The following DLGAP2 variants were observed in gnomAD, a reference collection of about 807,000 sequenced individuals.
DLGAP2 encodes the protein DLG associated protein 2.
DLGAP2 carries 26 observed loss-of-function variants against 100.3 expected under a neutral mutation model. The observed-to-expected ratio is 0.26, with a 90% CI of 0.19 to 0.36. The LOEUF (loss-of-function observed/expected upper bound fraction) is 0.36, where lower values mean the gene tolerates loss of function less well. DLGAP2 is among the 10% of genes least tolerant of loss of function. The pLI is 1.00. For synonymous variants in DLGAP2, 886 were observed against 630.1 expected (o/e 1.41, Z -6.08); for missense variants, 1,858 against 1,453.2 (o/e 1.28, Z -4.53).
At chr8:1,237,449 G>T (rs1798687067) in intron 2 of DLGAP2, among the ~76,000 whole-genome samples, 2 of 144,834 alleles carry the variant, frequency 1.4e-5, no homozygotes, top group African/African-American at 5.2e-5. Flanking sequence ...ATGGCGCCGT[G>T]TCTAGTTACC....
intron 2 of DLGAP2, among the ~76,000 whole-genome samples, chr8:1,046,639 A>C (rs946318288): frequency 1.3e-5 from 2 of 152,182 alleles, no homozygotes; most frequent in African/African-American, 2.4e-5. Context: ...GTACACGTTG[A>C]AAAGGGGGAT....
chr8:791,689 A>T (rs953295006), intron 1 of DLGAP2, among the ~76,000 whole-genome samples: 3 of 152,238 alleles, frequency 2.0e-5, no homozygotes, highest in Non-Finnish European at 2.9e-5. Flanking sequence ...GATTAATTTT[A>T]AAATTCCTTT....
At chr8:835,619 G>A (rs1275912432) in intron 1 of DLGAP2, among the ~76,000 whole-genome samples, 1 of 152,062 alleles carries the variant, frequency 6.6e-6, no homozygotes, top group African/African-American at 2.4e-5. Flanking sequence ...CCGCAGTGCA[G>A]GTTTTGAGGC....
At chr8:1,355,061 G>A (rs565023481) in intron 3 of DLGAP2, among the ~76,000 whole-genome samples, 104 of 152,134 alleles carry the variant, frequency 6.8e-4, no homozygotes, top group Non-Finnish European at 1.3e-3. Context: ...GGATGATGCT[G>A]TGGATGAGGG....
At chr8:1,304,262 C>T (rs1264509038) in intron 3 of DLGAP2, among the ~76,000 whole-genome samples, 1 of 152,156 alleles carries the variant, frequency 6.6e-6, no homozygotes, top group Non-Finnish European at 1.5e-5. Flanking sequence ...TATGGAGACA[C>T]AGGACACCGG....
At chr8:796,997 G>A (rs963708409) in intron 1 of DLGAP2, among the ~76,000 whole-genome samples, 1 of 152,210 alleles carries the variant, frequency 6.6e-6, no homozygotes, top group African/African-American at 2.4e-5. Flanking sequence ...AACCCTGTTT[G>A]CAGATAGTAT....
intron 1 of DLGAP2, among the ~76,000 whole-genome samples, chr8:855,570 G>T (rs565832649): frequency 1.3e-5 from 2 of 152,270 alleles, no homozygotes; most frequent in African/African-American, 4.8e-5. Context: ...AGGGGGATAG[G>T]TCTGTAAAAC....
intron 3 of DLGAP2, among the ~76,000 whole-genome samples, chr8:1,466,458 A>G (rs1798628994): frequency 6.6e-6 from 1 of 151,812 alleles, no homozygotes; most frequent in Admixed American, 6.6e-5. Context: ...GTGGCTCAAA[A>G]GGGAATTTTT....
rs529332280 is a variant in DLGAP2, at chr8:1,700,760, C to G, written c.2950-428C>G. ...CATGAACATACTGGAATCCCAGAGT[C>G]TGCAGAAAACCCTGCAGTGTTGAAT... On this transcript the variant is annotated intron_variant, in intron 14 of 14. Transcript: ENST00000637795. 3.3e-5 allele frequency among the ~76,000 whole-genome samples: 5 copies of G among 152,338 alleles called. No individual in the cohort carries two copies. In the East Asian group the frequency reaches 9.7e-4, roughly 29 times the overall value.
intron 2 of DLGAP2, among the ~76,000 whole-genome samples, chr8:1,051,705 T>G (rs1347869141): frequency 3.3e-5 from 5 of 152,048 alleles, no homozygotes; most frequent in Admixed American, 6.6e-5. Flanking sequence ...GGAAGCTGCT[T>G]CTTCTCATGC....
chr8:1,416,648 ACT>A (rs1796893767), intron 3 of DLGAP2, among the ~76,000 whole-genome samples: 2 of 152,052 alleles, frequency 1.3e-5, no homozygotes, highest in African/African-American at 2.4e-5. Flanking sequence ...CAACATGGAA[ACT>A]CTGTTTCTGT....
chr8:1,666,772 G>A (rs116986072), intron 8 of DLGAP2, among the ~76,000 whole-genome samples: 8,430 of 152,138 alleles, frequency 0.055, 295 homozygotes, highest in Middle Eastern at 0.17. Flanking sequence ...TTGTTTTGTC[G>A]TTTGTCCTTG....
At chr8:861,027 T>A (rs1797378633) in intron 1 of DLGAP2, among the ~76,000 whole-genome samples, 1 of 152,132 alleles carries the variant, frequency 6.6e-6, no homozygotes, top group Non-Finnish European at 1.5e-5. Context: ...GAGGTTGATG[T>A]GTTTATAAGT....
chr8:790,320 A>T (rs1821993221), intron 1 of DLGAP2, among the ~76,000 whole-genome samples: 1 of 152,202 alleles, frequency 6.6e-6, no homozygotes, highest in African/African-American at 2.4e-5. Context: ...GAGACAGGTG[A>T]AGCTGTAAGA....
chr8:1,492,925 C>T (rs1273780748), intron 3 of DLGAP2, among the ~76,000 whole-genome samples: 12 of 152,246 alleles, frequency 7.9e-5, no homozygotes, highest in Admixed American at 7.8e-4. Flanking sequence ...CATGTCAACC[C>T]GCCCTCCACC....
intron 2 of DLGAP2, among the ~76,000 whole-genome samples, chr8:1,225,401 G>A (rs190648335): frequency 1.1e-4 from 16 of 152,292 alleles, no homozygotes; most frequent in East Asian, 5.8e-4. Flanking sequence ...ACAGAACACC[G>A]AGGTAATTGC....
chr8:1,093,990 G>A (rs561516810), intron 2 of DLGAP2, among the ~76,000 whole-genome samples: 8 of 112,160 alleles, frequency 7.1e-5, no homozygotes, highest in African/African-American at 2.3e-4. Context: ...CTCGTGGATG[G>A]AGGGCAGCTC....
intron 1 of DLGAP2, among the ~76,000 whole-genome samples, chr8:857,445 G>A (rs1797300827): frequency 6.6e-6 from 1 of 152,180 alleles, no homozygotes; most frequent in African/African-American, 2.4e-5. Context: ...CCTGATGGAG[G>A]ACGAGCATGC....
chr8:928,381 G>T (rs1275802556), intron 2 of DLGAP2, among the ~76,000 whole-genome samples: 1 of 152,160 alleles, frequency 6.6e-6, no homozygotes, highest in African/African-American at 2.4e-5. Flanking sequence ...CGGAGGTCGA[G>T]AATGTGTTCA....
Sources: gnomAD v4.1 joint callset for allele counts (sites outside exome capture counted in the v4.1 genomes callset) on GRCh38, gnomAD v4.1.1 for gene constraint, MANE v1.5 for transcripts, NCBI Gene and HGNC (gene_info 2026-07-23, HGNC 2026-07-21) for gene names.